Variants in ROBO2 observed in about 807,000 individuals in gnomAD.
ROBO2 encodes the protein roundabout guidance receptor 2, also known as roundabout homolog 2.
Under a neutral mutation model 160.8 loss-of-function variants are expected in ROBO2, and 53 were observed. That is an observed-to-expected ratio of 0.33 (90% CI 0.26 to 0.41). The LOEUF is 0.41. ROBO2 is among the 10% of genes least tolerant of loss of function. ROBO2 has a pLI of 1.00. For synonymous variants in ROBO2, 664 were observed against 611.7 expected, an observed-to-expected ratio of 1.09 and a Z score of -1.26; for missense variants, 1,577 against 1,722.4, an observed-to-expected ratio of 0.92 and a Z score of 1.49.
chr3:76,479,604 T>C (rs560293324), intron 2 of ROBO2, among the ~76,000 whole-genome samples: 1 of 152,158 alleles, frequency 6.6e-6, no homozygotes, highest in Non-Finnish European at 1.5e-5. Flanking sequence ...AAGCAAACAT[T>C]TATAGAGTAG....
At chr3:76,204,716 A>G (rs970141189) in intron 2 of ROBO2, among the ~76,000 whole-genome samples, 7 of 152,128 alleles carry the variant, frequency 4.6e-5, no homozygotes, top group Non-Finnish European at 1.0e-4. Context: ...TAAATTGAGC[A>G]TTTTGTCTCC....
chr3:76,913,501 T>G (rs74918934), intron 2 of ROBO2, among the ~76,000 whole-genome samples: 2,576 of 152,362 alleles, frequency 0.017, 50 homozygotes, highest in African/African-American at 0.057. Flanking sequence ...TTCTATGTAT[T>G]ATTCTTACTA....
intron 2 of ROBO2, among the ~76,000 whole-genome samples, chr3:76,962,661 G>T (rs1045754897): frequency 2.5e-4 from 28 of 111,500 alleles, no homozygotes; most frequent in African/African-American, 6.6e-4. Context: ...AAAAAAAAAA[G>T]CTAGGCATGG....
chr3:76,109,627 C>T (rs2070125769), intron 2 of ROBO2, among the ~76,000 whole-genome samples: 1 of 151,994 alleles, frequency 6.6e-6, no homozygotes, highest in Non-Finnish European at 1.5e-5. Context: ...GGTGCTGTTC[C>T]CATGTTTCTC....
In ROBO2 at chr3:76,686,039, CTG is replaced by C. The variant is rs151323119; in HGVS notation, c.110-411971_110-411970del. Among the ~76,000 whole-genome samples, 1,034 of 152,194 alleles carry C rather than the reference CTG, an allele frequency of 6.8e-3. 8 individuals are homozygous for C. The highest frequency in any genetic ancestry group is 0.023 in the African/African-American group (968 of 41,544). ...CACCCTCTTCACTTCTCCCTGAAGTCTGTGTTTTCCTTTCCTTATCACTGAAA... is the reference window on the plus strand; with the variant it reads ...CACCCTCTTCACTTCTCCCTGAAGTCTGTTTTCCTTTCCTTATCACTGAAA... On this transcript the variant is annotated intron_variant, in intron 2 of 26. Coordinates refer to the ROBO2 transcript ENST00000487694.
chr3:77,577,346 CTG>C, intron 14 of ROBO2, 142 bp from the exon 16 acceptor site: 1 of 876,784 alleles, frequency 1.1e-6, no homozygotes, highest in Non-Finnish European at 1.8e-6. Flanking sequence ...CTCAAAAAAA[CTG>C]TCACTGTTGA....
At chr3:77,385,740 A>G (rs1298842745) in intron 2 of ROBO2, among the ~76,000 whole-genome samples, 1 of 152,174 alleles carries the variant, frequency 6.6e-6, no homozygotes, top group Non-Finnish European at 1.5e-5. Context: ...TCTCAGTTAC[A>G]TGAAGTTCCT....
intron 2 of ROBO2, among the ~76,000 whole-genome samples, chr3:76,477,258 G>C (rs1223122457): frequency 6.6e-6 from 1 of 152,022 alleles, no homozygotes; most frequent in Non-Finnish European, 1.5e-5. Context: ...TTTCATATTC[G>C]GTTAGACCAG....
chr3:76,910,641 G>A (rs576004080), intron 2 of ROBO2, among the ~76,000 whole-genome samples: 59 of 143,492 alleles, frequency 4.1e-4, no homozygotes, highest in African/African-American at 1.5e-3. Flanking sequence ...CAGGAGAATC[G>A]CTTGAACCCA....
intron 2 of ROBO2, among the ~76,000 whole-genome samples, chr3:76,669,926 T>G (rs1303167524): frequency 6.6e-6 from 1 of 152,192 alleles, no homozygotes; most frequent in African/African-American, 2.4e-5. Context: ...CTTGTTTTCT[T>G]ATACTACCCA....
chr3:77,249,897 G>A (rs2090150859), intron 2 of ROBO2, among the ~76,000 whole-genome samples: 1 of 150,338 alleles, frequency 6.7e-6, no homozygotes. Flanking sequence ...TAGATTTAAT[G>A]GGTTTTTTTT....
At chr3:77,024,129 T>C (rs1361246814) in intron 2 of ROBO2, among the ~76,000 whole-genome samples, 1 of 152,218 alleles carries the variant, frequency 6.6e-6, no homozygotes, top group African/African-American at 2.4e-5. Context: ...TTTACTTAGC[T>C]ATCTTACATT....
intron 2 of ROBO2, among the ~76,000 whole-genome samples, chr3:77,387,958 T>G (rs548637397): frequency 6.6e-6 from 1 of 152,284 alleles, no homozygotes; most frequent in East Asian, 1.9e-4. Flanking sequence ...GACTTCTCTT[T>G]TAGGCATTGT....
At chr3:76,024,018 A>G (rs1256161822) in intron 2 of ROBO2, among the ~76,000 whole-genome samples, 1 of 151,508 alleles carries the variant, frequency 6.6e-6, no homozygotes, top group Non-Finnish European at 1.5e-5. Flanking sequence ...TATATTTCAT[A>G]GGTTTTATAT....
At chr3:76,077,291 A>G (rs7642499) in intron 2 of ROBO2, among the ~76,000 whole-genome samples, 77,796 of 152,016 alleles carry the variant, frequency 0.51, 20,820 homozygotes, top group African/African-American at 0.67. Flanking sequence ...GGCCGGGTGA[A>G]GTGGCTCATG....
At chr3:76,255,272 G>C (rs563699886) in intron 2 of ROBO2, among the ~76,000 whole-genome samples, 5 of 152,080 alleles carry the variant, frequency 3.3e-5, no homozygotes, top group African/African-American at 1.2e-4. Context: ...GCTATTTATT[G>C]TTTTCTAATA....
At chr3:76,044,530 G>A (rs1189669369) in intron 2 of ROBO2, among the ~76,000 whole-genome samples, 1 of 141,512 alleles carries the variant, frequency 7.1e-6, no homozygotes, top group Non-Finnish European at 1.5e-5. Flanking sequence ...ATAAGTCACA[G>A]TCACAGAGAT....
intron 2 of ROBO2, among the ~76,000 whole-genome samples, chr3:76,548,455 A>G (rs1265041180): frequency 6.6e-6 from 1 of 152,130 alleles, no homozygotes; most frequent in Non-Finnish European, 1.5e-5. Flanking sequence ...TGGGTAAGAG[A>G]GGGATACCAT....
At chr3:76,891,819 T>C (rs999599237) in intron 2 of ROBO2, among the ~76,000 whole-genome samples, 1 of 152,180 alleles carries the variant, frequency 6.6e-6, no homozygotes, top group Non-Finnish European at 1.5e-5. Flanking sequence ...GTGGAAGTAG[T>C]AGACTAAAAA....
Sources: gnomAD v4.1 joint callset for allele counts (sites outside exome capture counted in the v4.1 genomes callset) on GRCh38, gnomAD v4.1.1 for gene constraint, MANE v1.5 for transcripts, NCBI Gene and HGNC (gene_info 2026-07-23, HGNC 2026-07-21) for gene names.